ARMC2: variants seen among roughly 807,000 people sequenced by gnomAD.
ARMC2 encodes armadillo repeat-containing protein 2.
ARMC2 carries 67 observed loss-of-function variants against 90.3 expected under a neutral mutation model. That is an observed-to-expected ratio of 0.74 (90% CI 0.61 to 0.91). The LOEUF (loss-of-function observed/expected upper bound fraction) is 0.91. ARMC2 is among the 40% of genes least tolerant of loss of function. The pLI is 0.00. For synonymous variants in ARMC2, 393 were observed against 393.0 expected (o/e 1.00, Z 0.00); for missense variants, 920 against 1,030.9 (o/e 0.89, Z 1.47).
In ARMC2 at chr6:108,854,421, C is replaced by T. The variant is rs768783288; in HGVS notation, c.154C>T (p.Gln52Ter). 1.1e-5 allele frequency: 18 copies of T among 1,613,382 alleles called. No homozygotes were observed. Among genetic ancestry groups the T allele is most frequent in the Non-Finnish European group, 1.4e-5 (17 of 1,179,828 alleles). ...AAGACCATTTACACCACAGGAGGCT[C>T]AAAGAAAACTATTCGGACCTGCATC... Reference protein sequence around the residue: ...TQRPFTPQEAQRKLFGPASSR... With the variant: ...TQRPFTPQEA The change falls in exon 2 of 18, where the codon CAA becomes TAA. Residue 52 changes from glutamine to a stop codon, truncating the protein, a stop_gained. Coordinates refer to ENST00000392644, the MANE Select transcript of ARMC2 (RefSeq NM_032131.6). LOFTEE classifies it high-confidence loss of function.
chr6:109,027,508 A>G, the ARMC2 span, among the ~76,000 whole-genome samples: 1 of 150,204 alleles, frequency 6.7e-6, no homozygotes, highest in Admixed American at 6.6e-5. Flanking sequence ...AAAAAGAGAC[A>G]TCTTCACCAA....
chr6:109,045,952 T>A, the ARMC2 span, among the ~76,000 whole-genome samples: 1 of 152,216 alleles, frequency 6.6e-6, no homozygotes, highest in African/African-American at 2.4e-5. Flanking sequence ...TGAACCCATA[T>A]GGGCTGAAAA....
At chr6:109,028,679 T>A in the ARMC2 span, among the ~76,000 whole-genome samples, 1 of 152,168 alleles carries the variant, frequency 6.6e-6, no homozygotes, top group South Asian at 2.1e-4. Flanking sequence ...TGATGCCACA[T>A]GGAAGACTGG....
At chr6:108,909,340 T>A (rs147687596) in intron 8 of ARMC2, among the ~76,000 whole-genome samples, 1,734 of 152,282 alleles carry the variant, frequency 0.011, 6 homozygotes, top group South Asian at 0.031. Flanking sequence ...AATAAACTAT[T>A]CCCTAATATT....
chr6:109,041,645 AAT>A, the ARMC2 span, among the ~76,000 whole-genome samples: 1 of 152,192 alleles, frequency 6.6e-6, no homozygotes, highest in Non-Finnish European at 1.5e-5. Flanking sequence ...ACCCACCAAG[AAT>A]ATATAGCAAT....
intron 3 of ARMC2, among the ~76,000 whole-genome samples, chr6:108,867,435 T>C (rs758964990): frequency 7.9e-5 from 12 of 151,626 alleles, no homozygotes; most frequent in Non-Finnish European, 1.3e-4. Context: ...GGGGAAAAAA[T>C]AGGGAGTATC....
At chr6:108,938,857 T>C (rs1287800454) in intron 12 of ARMC2, among the ~76,000 whole-genome samples, 1 of 152,156 alleles carries the variant, frequency 6.6e-6, no homozygotes, top group African/African-American at 2.4e-5. Flanking sequence ...TGATTGGAGC[T>C]TAGATGATGG....
the ARMC2 span, among the ~76,000 whole-genome samples, chr6:109,027,585 A>G: frequency 3.3e-5 from 5 of 152,062 alleles, no homozygotes; most frequent in African/African-American, 9.6e-5. Flanking sequence ...GTTCTTAACA[A>G]GTGATTTTTT....
At chr6:108,977,204 G>A (rs1028707490), downstream of ARMC2, among the ~76,000 whole-genome samples, 2 of 144,172 alleles carry the variant, frequency 1.4e-5, no homozygotes, top group African/African-American at 5.5e-5. Context: ...AGGGTTTTTA[G>A]CATGAAGGCT....
intron 2 of ARMC2, among the ~76,000 whole-genome samples, chr6:108,857,671 C>T (rs115384941): frequency 0.012 from 1,802 of 152,216 alleles, 34 homozygotes; most frequent in African/African-American, 0.042. Context: ...CTTCTATTCC[C>T]AGTTTGCTAA....
At chr6:108,905,752 A>G (rs1053618342) in intron 8 of ARMC2, among the ~76,000 whole-genome samples, 5 of 152,222 alleles carry the variant, frequency 3.3e-5, no homozygotes, top group African/African-American at 1.2e-4. Context: ...ATATGATTAG[A>G]TAAAGCCCTC....
At chr6:109,049,009 G>A in the ARMC2 span, among the ~76,000 whole-genome samples, 6 of 152,142 alleles carry the variant, frequency 3.9e-5, no homozygotes, top group Admixed American at 6.5e-5. Flanking sequence ...TGCTTAGCAC[G>A]CTTCTTTGTA....
At chr6:108,961,805 T>A in intron 14 of ARMC2, 111 bp downstream of exon 14, 1 of 1,303,084 alleles carries the variant, frequency 7.7e-7, no homozygotes, top group Non-Finnish European at 1.0e-6. Context: ...GGTACAGAAA[T>A]GTCTTAGAGC....
At chr6:108,954,322 T>C (rs1777411776) in intron 13 of ARMC2, among the ~76,000 whole-genome samples, 1 of 152,170 alleles carries the variant, frequency 6.6e-6, no homozygotes. Context: ...CAACCCAAGA[T>C]TGATTAATCT....
At chr6:109,021,179 A>C in the ARMC2 span, among the ~76,000 whole-genome samples, 10 of 152,098 alleles carry the variant, frequency 6.6e-5, no homozygotes, top group Admixed American at 6.6e-5. Context: ...ATTTTTGTAC[A>C]GATGGGGTCT....
chr6:108,982,440 A>G, the ARMC2 span, among the ~76,000 whole-genome samples: 1 of 152,234 alleles, frequency 6.6e-6, no homozygotes, highest in Non-Finnish European at 1.5e-5. Flanking sequence ...CCCAAAGACC[A>G]CAGGGCTTCA....
chr6:108,880,609 C>T lies in ARMC2; in HGVS notation c.671+4259C>T, dbSNP rs115996164. On this transcript the variant is annotated intron_variant, in intron 5 of 17. Coordinates refer to ENST00000392644, the MANE Select transcript of ARMC2 (RefSeq NM_032131.6). Reference sequence around the variant, plus strand: ...AGGATGACATATAAACCTCTAGATCCAGCTGTGCCTGAAGCCACCACATCA... The same window carrying T: ...AGGATGACATATAAACCTCTAGATCTAGCTGTGCCTGAAGCCACCACATCA... Among the ~76,000 whole-genome samples, 618 of 152,302 alleles carry T rather than the reference C, an allele frequency of 4.1e-3. 2 individuals are homozygous for T. The highest frequency in any genetic ancestry group is 0.014 in the African/African-American group (579 of 41,558).
the ARMC2 span, among the ~76,000 whole-genome samples, chr6:109,051,236 G>A: frequency 8.6e-5 from 13 of 151,882 alleles, no homozygotes; most frequent in South Asian, 2.5e-3. Context: ...CTTTAAAATT[G>A]GTTTTATAAA....
chr6:108,998,432 C>G, the ARMC2 span: 1 of 1,555,128 alleles, frequency 6.4e-7, no homozygotes, highest in Non-Finnish European at 8.7e-7. Flanking sequence ...GTGGGTTTTT[C>G]TAAGAAGCCA....
Sources: allele counts gnomAD v4.1 joint callset (sites outside exome capture counted in the v4.1 genomes callset), GRCh38; gene constraint gnomAD v4.1.1; transcripts MANE v1.5; gene names NCBI Gene and HGNC (gene_info 2026-07-23, HGNC 2026-07-21).